Variants in SHLD1 observed in about 807,000 individuals in gnomAD.
SHLD1 encodes shieldin complex subunit 1, also known as RINN1-REV7-interacting novel NHEJ regulator 3.
In SHLD1, 3 loss-of-function variants were observed where a neutral mutation model predicts 5.5. The observed-to-expected ratio is 0.54, with a 90% CI of 0.25 to 1.40. The LOEUF (loss-of-function observed/expected upper bound fraction) is 1.40. SHLD1 is among the 40% of genes most tolerant of loss of function. SHLD1 has a pLI of 0.15. For synonymous variants in SHLD1, 92 were observed against 94.3 expected (o/e 0.98, Z 0.14); for missense variants, 210 against 244.4 (o/e 0.86, Z 0.94).
chr20:5,774,357 A>G (rs1985331007), intron 2 of SHLD1, among the ~76,000 whole-genome samples: 1 of 152,254 alleles, frequency 6.6e-6, no homozygotes, highest in East Asian at 1.9e-4. Context: ...ATTGCCTTCA[A>G]GAATTCTATG....
chr20:5,784,255 A>G (rs2087026468), intron 2 of SHLD1, among the ~76,000 whole-genome samples: 1 of 151,776 alleles, frequency 6.6e-6, no homozygotes, highest in African/African-American at 2.4e-5. Flanking sequence ...ACCCAAGGCC[A>G]TGTAGTAACC....
intron 2 of SHLD1, among the ~76,000 whole-genome samples, chr20:5,815,017 T>C (rs939022125): frequency 2.0e-5 from 3 of 152,146 alleles, no homozygotes; most frequent in Non-Finnish European, 4.4e-5. Context: ...CAGAATTTGC[T>C]CCAGTGTTCT....
rs927545958 is a variant in SHLD1 at position 5,806,642 on chromosome 20, G to A, written c.178+33599G>A. On this transcript the variant is annotated intron_variant, in intron 2 of 2. Transcript: ENST00000303142. This position sits in a 1 kb window ranked among gnomAD's most constrained non-coding sequence, Gnocchi z 7.6. ...GTCCCAGGAGCTGTTGAGGGCAGTGGCGCCTGCTTCTGGCCATGGACAGAG... is the reference window on the plus strand; with the variant it reads ...GTCCCAGGAGCTGTTGAGGGCAGTGACGCCTGCTTCTGGCCATGGACAGAG... Among the ~76,000 whole-genome samples, 3 of 152,216 alleles carry A rather than the reference G, an allele frequency of 2.0e-5. No homozygotes were observed. Among genetic ancestry groups the A allele is most frequent in the Non-Finnish European group, 4.4e-5 (3 of 68,038 alleles).
In SHLD1 at chr20:5,776,932, C is replaced by G. The variant is rs1985457540; in HGVS notation, c.178+3889C>G. Among the ~76,000 whole-genome samples the G allele has an allele frequency of 2.0e-5, 3 of 152,074 alleles. No individual in the cohort carries two copies. The South Asian group carries it at 6.2e-4, about 31-fold the overall frequency. ...ATCACTCCCATTTATTGAGCATTTACTACCTGTCAGGTTTTATACTGTCAG... is the reference window on the plus strand; with the variant it reads ...ATCACTCCCATTTATTGAGCATTTAGTACCTGTCAGGTTTTATACTGTCAG... On this transcript the variant is annotated intron_variant, in intron 2 of 2. Transcript: ENST00000303142.
chr20:5,788,370 T>C (rs1255615270), intron 2 of SHLD1, among the ~76,000 whole-genome samples: 1 of 152,218 alleles, frequency 6.6e-6, no homozygotes, highest in Non-Finnish European at 1.5e-5. Flanking sequence ...ATAAATAAGA[T>C]GAGGAAGTGA....
At chr20:5,853,663 T>G (rs1346074136) in intron 2 of SHLD1, among the ~76,000 whole-genome samples, 1 of 151,986 alleles carries the variant, frequency 6.6e-6, no homozygotes, top group African/African-American at 2.4e-5. Flanking sequence ...AGTAGTGTAG[T>G]CCAGGGTTGG....
chr20:5,790,141 A>G (rs1360407010), intron 2 of SHLD1, among the ~76,000 whole-genome samples: 3 of 152,114 alleles, frequency 2.0e-5, no homozygotes, highest in African/African-American at 7.2e-5. Context: ...TCCCCTGCCT[A>G]CATTCACTGG....
intron 1 of SHLD1, among the ~76,000 whole-genome samples, chr20:5,763,290 CAAAA>C (rs57863188): frequency 1.7e-5 from 1 of 58,120 alleles, no homozygotes; most frequent in African/African-American, 6.5e-5. Context: ...AACTCCATCT[CAAAA>C]AAAAAAAAAA....
At chr20:5,822,996 C>G (rs2087624699) in intron 2 of SHLD1, among the ~76,000 whole-genome samples, 2 of 148,196 alleles carry the variant, frequency 1.3e-5, no homozygotes, top group Non-Finnish European at 3.0e-5. Flanking sequence ...TTCCCTCCCC[C>G]ACCCCGCCCC....
At chr20:5,802,406 T>A (rs889175392) in intron 2 of SHLD1, among the ~76,000 whole-genome samples, 4 of 152,158 alleles carry the variant, frequency 2.6e-5, no homozygotes, top group Non-Finnish European at 5.9e-5. Context: ...TTGGGCAAGC[T>A]TCTTAATCCT....
intron 2 of SHLD1, among the ~76,000 whole-genome samples, chr20:5,781,539 G>A (rs1440349935): frequency 6.6e-6 from 1 of 152,144 alleles, no homozygotes; most frequent in Admixed American, 6.6e-5. Flanking sequence ...GTGCAATGGT[G>A]CAATCTCGGC....
chr20:5,773,087 C>G (rs77420900), intron 2 of SHLD1, 44 bp downstream of exon 2: 55,942 of 1,588,386 alleles, frequency 0.035, 1,129 homozygotes, highest in Non-Finnish European at 0.042. Context: ...AAACAACTAG[C>G]AGCAATACGG....
At chr20:5,770,549 A>C (rs910072294) in intron 1 of SHLD1, among the ~76,000 whole-genome samples, 2 of 152,316 alleles carry the variant, frequency 1.3e-5, no homozygotes, top group Admixed American at 1.3e-4. Context: ...TGTTGCATGG[A>C]TGATTTTCCT....
chr20:5,847,844 C>T (rs1203055347), intron 2 of SHLD1, among the ~76,000 whole-genome samples: 1 of 152,054 alleles, frequency 6.6e-6, no homozygotes, highest in African/African-American at 2.4e-5. Context: ...CTAGTCAAGT[C>T]GAAAATGCAC....
chr20:5,840,794 A>G (rs368057843), intron 2 of SHLD1, among the ~76,000 whole-genome samples: 5 of 152,336 alleles, frequency 3.3e-5, no homozygotes, highest in South Asian at 4.1e-4. Flanking sequence ...AAGCAGCCAA[A>G]GTGATTTATG....
intron 2 of SHLD1, among the ~76,000 whole-genome samples, chr20:5,802,477 T>C (rs1465568350): frequency 1.3e-5 from 2 of 152,148 alleles, no homozygotes; most frequent in Non-Finnish European, 2.9e-5. Flanking sequence ...CATCATAAGG[T>C]ACTAGGGTTA....
At position 5,750,644 on chromosome 20, in the gene SHLD1, A is replaced by C. The variant is rs181476179; in HGVS notation, c.-5+165A>C. Among the ~76,000 whole-genome samples the C allele has an allele frequency of 9.2e-3, 1,398 of 152,152 alleles. 20 individuals carry two copies. Among genetic ancestry groups the C allele is most frequent in the African/African-American group, 0.032 (1,331 of 41,478 alleles). On this transcript the variant is annotated intron_variant, in intron 1 of 2. Transcript: ENST00000303142. Reference sequence around the variant, plus strand: ...TTCCGCCCCAACACACGGTGTCTGCAGCCTGTGCTTTGGGGAATTTTGGGA... The same window carrying C: ...TTCCGCCCCAACACACGGTGTCTGCCGCCTGTGCTTTGGGGAATTTTGGGA...
chr20:5,832,605 G>C (rs762042584), intron 2 of SHLD1, among the ~76,000 whole-genome samples: 13 of 151,920 alleles, frequency 8.6e-5, no homozygotes, highest in Non-Finnish European at 1.6e-4. Flanking sequence ...ACCCAGCTAC[G>C]GCTTAAATTT....
intron 1 of SHLD1, among the ~76,000 whole-genome samples, chr20:5,772,375 A>G (rs1338103959): frequency 1.3e-5 from 2 of 152,202 alleles, no homozygotes; most frequent in Admixed American, 6.5e-5. Context: ...TAGCATGTAC[A>G]GTTCAGATAC....
Sources: allele counts gnomAD v4.1 joint callset (sites outside exome capture counted in the v4.1 genomes callset), GRCh38; gene constraint gnomAD v4.1.1; non-coding constraint Gnocchi (gnomAD v3.1); transcripts MANE v1.5; gene names NCBI Gene and HGNC (gene_info 2026-07-23, HGNC 2026-07-21).